Variants in STX8 observed in about 807,000 individuals in gnomAD.
STX8 encodes syntaxin 8, also known as syntaxin-8.
In STX8, 23 loss-of-function variants were observed where a neutral mutation model predicts 37.5. That is an observed-to-expected ratio of 0.61 (90% CI 0.44 to 0.87). The LOEUF is 0.87. Among genes scored for constraint, STX8 ranks in the 40% least tolerant of loss-of-function variants. The pLI is 0.00. For missense variants in STX8, 313 were observed against 284.7 expected, an observed-to-expected ratio of 1.10 and a Z score of -0.71; for synonymous variants, 115 against 99.1, an observed-to-expected ratio of 1.16 and a Z score of -0.95.
intron 4 of STX8, among the ~76,000 whole-genome samples, chr17:9,516,661 A>T (rs1002042872): frequency 2.0e-5 from 3 of 152,098 alleles, no homozygotes; most frequent in African/African-American, 7.2e-5. Context: ...TTTTATGTTC[A>T]ATTTAACATT....
intron 6 of STX8, among the ~76,000 whole-genome samples, chr17:9,439,874 G>A (rs974914798): frequency 1.1e-4 from 16 of 152,092 alleles, no homozygotes; most frequent in African/African-American, 3.6e-4. Context: ...TCTGGAGCTG[G>A]AACACATTCC....
intron 6 of STX8, among the ~76,000 whole-genome samples, chr17:9,421,254 T>C (rs1031385032): frequency 6.6e-6 from 1 of 151,718 alleles, no homozygotes; most frequent in African/African-American, 2.4e-5. Flanking sequence ...TAGCCGGGCA[T>C]GGTGGCGCAT....
chr17:9,557,425 C>A lies in STX8; in HGVS notation c.212+9G>T. ...TCTAGAAAAGAGGTGGAAATGTTTA[C>A]ATGGATACATCTGATGTGTTGACAC... On this transcript the variant is annotated intron_variant, in intron 3 of 7. Coordinates refer to ENST00000306357, the MANE Select transcript of STX8 (RefSeq NM_004853.3). 6.2e-7 allele frequency: 1 copy of A among 1,608,952 alleles called. No individual in the cohort carries two copies. Among genetic ancestry groups the A allele is most frequent in the Non-Finnish European group, 8.5e-7 (1 of 1,175,470 alleles).
chr17:9,264,973 C>T (rs984305455), intron 7 of STX8, among the ~76,000 whole-genome samples: 2 of 151,496 alleles, frequency 1.3e-5, no homozygotes, highest in African/African-American at 2.4e-5. Context: ...AATAAAATTA[C>T]CTAGGTGTGA....
rs202052893 is a variant in STX8, at chr17:9,547,642, A to G, written c.213-2360T>C. Among the ~76,000 whole-genome samples, 147 of 115,848 alleles carry G rather than the reference A, an allele frequency of 1.3e-3. 3 individuals carry two copies. The highest frequency in any genetic ancestry group is 4.3e-3 in the African/African-American group (135 of 31,704). 76.0% of individuals were successfully genotyped at this position (115,848 alleles called of 152,430 possible). ...GACTCCGTCTCAAAAAAAAAAAAGAAAAAAGAAAAGAAAAGAAAAGAAATA... is the reference window on the plus strand; with the variant it reads ...GACTCCGTCTCAAAAAAAAAAAAGAGAAAAGAAAAGAAAAGAAAAGAAATA... On this transcript the variant is annotated intron_variant, in intron 3 of 7. Transcript: ENST00000306357.
At chr17:9,334,431 T>G (rs1475231521) in intron 7 of STX8, among the ~76,000 whole-genome samples, 1 of 152,148 alleles carries the variant, frequency 6.6e-6, no homozygotes, top group African/African-American at 2.4e-5. Context: ...TAAACTAAGT[T>G]TCTCCCAACG....
At chr17:9,327,173 AGAAGAAGAAGGAAGAAGAAG>A in intron 7 of STX8, among the ~76,000 whole-genome samples, 1 of 149,832 alleles carries the variant, frequency 6.7e-6, no homozygotes, top group African/African-American at 2.5e-5. Context: ...AAAAAAAAGA[AGAAGAAGAAGGAAGAAGAAG>A]GAAGAAGGAA....
chr17:9,268,978 C>G lies in STX8; in HGVS notation c.644-18333G>C, dbSNP rs374768577. ...TGAGGCGGGCGGATCATGAAGTCAG[C>G]AGATCGAGACCATCCTGGCTAAAAC... On this transcript the variant is annotated intron_variant, in intron 7 of 7. Transcript: ENST00000306357. 8.3e-4 allele frequency among the ~76,000 whole-genome samples: 125 copies of G among 151,024 alleles called. 1 individual carries two copies. The highest frequency in any genetic ancestry group is 1.9e-3 in the South Asian group (9 of 4,786).
intron 4 of STX8, among the ~76,000 whole-genome samples, chr17:9,534,409 T>C (rs747927069): frequency 7.9e-5 from 12 of 152,160 alleles, no homozygotes; most frequent in Non-Finnish European, 1.5e-4. Flanking sequence ...GTAAAGGATT[T>C]CAAGATTTAA....
intron 7 of STX8, among the ~76,000 whole-genome samples, chr17:9,333,524 A>G (rs1173664787): frequency 2.0e-5 from 3 of 152,014 alleles, no homozygotes. Context: ...AGTAGCTGGG[A>G]CTATAGGCGC....
intron 6 of STX8, among the ~76,000 whole-genome samples, chr17:9,391,486 G>A (rs114564167): frequency 4.6e-5 from 7 of 151,848 alleles, no homozygotes; most frequent in Admixed American, 2.0e-4. Context: ...ATAATAATTC[G>A]CTCTGGGGGG....
At chr17:9,308,296 T>C (rs577583295) in intron 7 of STX8, among the ~76,000 whole-genome samples, 88 of 152,226 alleles carry the variant, frequency 5.8e-4, no homozygotes, top group Non-Finnish European at 1.1e-3. Flanking sequence ...GAAGGTCTTA[T>C]GATCTACTTT....
chr17:9,537,809 TAC>T (rs1555535373), intron 4 of STX8, among the ~76,000 whole-genome samples: 1 of 152,242 alleles, frequency 6.6e-6, no homozygotes, highest in Non-Finnish European at 1.5e-5. Flanking sequence ...GTATTAACCA[TAC>T]AGTCTCCCTA....
At chr17:9,288,679 T>A (rs1304807678) in intron 7 of STX8, among the ~76,000 whole-genome samples, 6 of 144,014 alleles carry the variant, frequency 4.2e-5, no homozygotes, top group East Asian at 1.9e-4. Context: ...ATAAATAAAA[T>A]AAATAAATAA....
intron 7 of STX8, among the ~76,000 whole-genome samples, chr17:9,287,965 G>C (rs1908139475): frequency 6.6e-6 from 1 of 151,490 alleles, no homozygotes; most frequent in Admixed American, 6.6e-5. Context: ...GGCCAGGATG[G>C]TTTCAATCTC....
intron 6 of STX8, among the ~76,000 whole-genome samples, chr17:9,418,399 G>A (rs552966000): frequency 6.6e-6 from 1 of 152,038 alleles, no homozygotes; most frequent in African/African-American, 2.4e-5. Context: ...ATCCCCATTA[G>A]GAGATGGTTC....
chr17:9,433,319 C>T (rs772327596), intron 6 of STX8, among the ~76,000 whole-genome samples: 62 of 152,176 alleles, frequency 4.1e-4, no homozygotes, highest in Non-Finnish European at 4.8e-4. Context: ...ATCAGCAAAA[C>T]GGAAATAGTA....
At chr17:9,276,260 G>A (rs1349051636) in intron 7 of STX8, among the ~76,000 whole-genome samples, 1 of 152,126 alleles carries the variant, frequency 6.6e-6, no homozygotes, top group African/African-American at 2.4e-5. Context: ...AATAAGGAGT[G>A]ATGCAGGCTT....
intron 6 of STX8, among the ~76,000 whole-genome samples, chr17:9,382,624 A>G (rs900525284): frequency 6.6e-6 from 1 of 152,212 alleles, no homozygotes; most frequent in Non-Finnish European, 1.5e-5. Context: ...ATACTTTGCT[A>G]TGAAACTCAC....
Sources: allele counts gnomAD v4.1 joint callset (sites outside exome capture counted in the v4.1 genomes callset), GRCh38; gene constraint gnomAD v4.1.1; transcripts MANE v1.5; gene names NCBI Gene and HGNC (gene_info 2026-07-23, HGNC 2026-07-21).